CSMD1: variants seen among roughly 807,000 people sequenced by gnomAD.
CSMD1 encodes the protein CUB and Sushi multiple domains 1.
CSMD1 carries 213 observed loss-of-function variants against 417.5 expected under a neutral mutation model. That is an observed-to-expected ratio of 0.51 (90% CI 0.46 to 0.57). The LOEUF (loss-of-function observed/expected upper bound fraction) is 0.57. Ranked by LOEUF, CSMD1 falls within the 20% of genes least tolerant of loss-of-function variation. The pLI, the probability that CSMD1 is intolerant of heterozygous loss-of-function variation, is 0.00. For synonymous variants in CSMD1, 2,862 were observed against 1,736.8 expected (o/e 1.65, Z -16.11); for missense variants, 6,923 against 4,529.7 (o/e 1.53, Z -15.17).
chr8:3,304,240 G>C (rs77855071), intron 25 of CSMD1, among the ~76,000 whole-genome samples: 8,716 of 152,066 alleles, frequency 0.057, 792 homozygotes, highest in African/African-American at 0.2. Context: ...ATATTTATAT[G>C]ACTGATGTAT....
chr8:4,934,526 T>A (rs1335768918), intron 1 of CSMD1, among the ~76,000 whole-genome samples: 1 of 152,146 alleles, frequency 6.6e-6, no homozygotes, highest in Non-Finnish European at 1.5e-5. Context: ...GGCTTTGAGC[T>A]GACTTAAGTT....
intron 3 of CSMD1, among the ~76,000 whole-genome samples, chr8:4,258,115 T>A (rs1049004974): frequency 6.6e-6 from 1 of 151,266 alleles, no homozygotes; most frequent in African/African-American, 2.4e-5. Context: ...GGCTATTTTT[T>A]TCTATTTTTA....
intron 1 of CSMD1, among the ~76,000 whole-genome samples, chr8:4,780,276 C>T (rs1257141998): frequency 6.6e-6 from 1 of 152,182 alleles, no homozygotes; most frequent in South Asian, 2.1e-4. Context: ...GCTTTCTGAG[C>T]CCAGGCTTTG....
At chr8:4,249,891 G>C (rs959824267) in intron 3 of CSMD1, among the ~76,000 whole-genome samples, 2 of 152,174 alleles carry the variant, frequency 1.3e-5, no homozygotes, top group African/African-American at 2.4e-5. Context: ...TCCCCAATGA[G>C]GCAGTGCTAG....
intron 5 of CSMD1, among the ~76,000 whole-genome samples, chr8:3,772,532 T>C (rs1259943043): frequency 1.7e-5 from 1 of 59,936 alleles, no homozygotes; most frequent in Non-Finnish European, 4.0e-5. Context: ...TACACATATA[T>C]ACATATATAC....
Position 3,507,543 on chromosome 8 carries a change from T to C in CSMD1, c.1345-13817A>G, listed in dbSNP as rs2117376755. On this transcript the variant is annotated intron_variant, in intron 10 of 69. Transcript: ENST00000635120. Reference sequence around the variant, plus strand: ...CTAGTAATGGGATTGCTGGGTCAAATGGTATTTCTAGTTCTAGATCCCTGA... The same window carrying C: ...CTAGTAATGGGATTGCTGGGTCAAACGGTATTTCTAGTTCTAGATCCCTGA... 1.3e-5 allele frequency among the ~76,000 whole-genome samples: 2 copies of C among 152,334 alleles called. 1 individual carries two copies. The highest frequency in any genetic ancestry group is 6.8e-3 in the Middle Eastern group (2 of 294).
intron 17 of CSMD1, among the ~76,000 whole-genome samples, chr8:3,391,997 A>G (rs948402569): frequency 2.6e-5 from 4 of 151,852 alleles, no homozygotes; most frequent in Non-Finnish European, 1.5e-5. Context: ...TCAGCAAACT[A>G]TCACAAAGAC....
In CSMD1 at chr8:3,757,342, G is replaced by A. The variant is rs537644014; in HGVS notation, c.819-3300C>T. ...TTGGAAATTGTTCAACTTTGCAGGT[G>A]TAGTTGGCAAGTAGCCATAAAATGG... On this transcript the variant is annotated intron_variant, in intron 5 of 69. Coordinates refer to ENST00000635120, the MANE Select transcript of CSMD1 (RefSeq NM_033225.6). 2.6e-5 allele frequency among the ~76,000 whole-genome samples: 4 copies of A among 152,344 alleles called. No homozygotes were observed. The East Asian group carries it at 5.8e-4, about 22-fold the overall frequency.
chr8:3,002,446 G>C (rs538107849), intron 52 of CSMD1, among the ~76,000 whole-genome samples: 1 of 152,280 alleles, frequency 6.6e-6, no homozygotes, highest in African/African-American at 2.4e-5. Context: ...GCGAGGCATA[G>C]AATAGCTAGT....
intron 3 of CSMD1, among the ~76,000 whole-genome samples, chr8:4,059,367 A>G (rs1455908892): frequency 1.3e-5 from 2 of 152,210 alleles, no homozygotes; most frequent in Non-Finnish European, 2.9e-5. Flanking sequence ...ACACCCTAAC[A>G]TCACAATTAA....
In CSMD1 at chr8:4,751,743, A is replaced by G. The variant is rs181050699; in HGVS notation, c.86-114185T>C. On this transcript the variant is annotated intron_variant, in intron 1 of 69. Coordinates refer to ENST00000635120, the MANE Select transcript of CSMD1 (RefSeq NM_033225.6). ...TTCCCTGTCAGTCTGCTGTGGAGTTAGGAGCTTGGTGTCTGACATTGAGGA... is the reference window on the plus strand; with the variant it reads ...TTCCCTGTCAGTCTGCTGTGGAGTTGGGAGCTTGGTGTCTGACATTGAGGA... Among the ~76,000 whole-genome samples the G allele has an allele frequency of 7.5e-4, 114 of 152,284 alleles. 1 individual carries two copies. The highest frequency in any genetic ancestry group is 2.7e-3 in the African/African-American group (112 of 41,558).
intron 5 of CSMD1, among the ~76,000 whole-genome samples, chr8:3,929,946 T>G (rs1427899022): frequency 6.7e-6 from 1 of 150,364 alleles, no homozygotes; most frequent in Non-Finnish European, 1.5e-5. Flanking sequence ...ACAGGCCTCA[T>G]GTGAGACACT....
intron 23 of CSMD1, among the ~76,000 whole-genome samples, chr8:3,338,267 G>A (rs771062112): frequency 6.6e-5 from 10 of 152,186 alleles, no homozygotes; most frequent in Non-Finnish European, 1.0e-4. Flanking sequence ...TATGCCCAGG[G>A]AGTGGCTTAG....
At chr8:4,261,682 C>A (rs569279093) in intron 3 of CSMD1, among the ~76,000 whole-genome samples, 1 of 152,090 alleles carries the variant, frequency 6.6e-6, no homozygotes, top group African/African-American at 2.4e-5. Flanking sequence ...AATGCTGGGA[C>A]TACAGGCATG....
intron 5 of CSMD1, among the ~76,000 whole-genome samples, chr8:3,900,685 G>C (rs1207996353): frequency 1.3e-5 from 2 of 152,146 alleles, no homozygotes; most frequent in East Asian, 3.9e-4. Flanking sequence ...TGACAGTGTA[G>C]CTTGGTGGCC....
intron 2 of CSMD1, among the ~76,000 whole-genome samples, chr8:4,457,545 T>A (rs759435253): frequency 5.9e-5 from 9 of 152,182 alleles, no homozygotes; most frequent in Admixed American, 2.0e-4. Flanking sequence ...TTCAATTTTA[T>A]ACTAGATGGG....
intron 10 of CSMD1, among the ~76,000 whole-genome samples, chr8:3,497,352 G>T (rs1213498232): frequency 2.0e-5 from 3 of 151,990 alleles, no homozygotes; most frequent in African/African-American, 4.8e-5. Flanking sequence ...GTTTACAATT[G>T]TTATACATTA....
chr8:3,311,397 G>A (rs111876913), intron 23 of CSMD1, among the ~76,000 whole-genome samples: 2,616 of 152,096 alleles, frequency 0.017, 73 homozygotes, highest in African/African-American at 0.059. Flanking sequence ...CTATAAGTGC[G>A]AGCCATCACA....
chr8:3,996,674 A>C (rs190207876), intron 5 of CSMD1, among the ~76,000 whole-genome samples: 64 of 152,306 alleles, frequency 4.2e-4, no homozygotes, highest in African/African-American at 1.4e-3. Flanking sequence ...GTCCTGGCTA[A>C]TCTAAAAGTG....
Sources: gnomAD v4.1 joint callset for allele counts (sites outside exome capture counted in the v4.1 genomes callset) on GRCh38, gnomAD v4.1.1 for gene constraint, MANE v1.5 for transcripts, NCBI Gene and HGNC (gene_info 2026-07-23, HGNC 2026-07-21) for gene names.